Variants in WASHC2A observed in about 807,000 individuals in gnomAD.
The protein encoded by WASHC2A is WASH complex subunit FAM21A.
A neutral mutation model predicts 140.3 loss-of-function variants in WASHC2A; 82 were observed. The ratio of observed to expected loss-of-function variants is 0.58; its 90% CI spans 0.49 to 0.70. WASHC2A has a LOEUF of 0.70. WASHC2A is among the 30% of genes least tolerant of loss of function. The pLI is 0.00. For missense variants in WASHC2A, 985 were observed against 1,521.8 expected, an observed-to-expected ratio of 0.65 and a Z score of 5.87; for synonymous variants, 340 against 560.8, an observed-to-expected ratio of 0.61 and a Z score of 5.56.
chr10:50,106,281 C>G (rs1190667780), intron 18 of WASHC2A, 53 bp from the exon 19 acceptor site: 2 of 1,535,240 alleles, frequency 1.3e-6, no homozygotes, highest in Admixed American at 3.5e-5. Context: ...GGAGGACATC[C>G]TATGTTTTCT....
chr10:50,111,449 C>T (rs1554890420), intron 20 of WASHC2A, among the ~76,000 whole-genome samples: 2 of 151,956 alleles, frequency 1.3e-5, no homozygotes. Context: ...TCTGAATAAC[C>T]TTGGGCAAGT....
intron 11 of WASHC2A, among the ~76,000 whole-genome samples, chr10:50,092,485 A>AT (rs1554883158): frequency 6.6e-6 from 1 of 151,922 alleles, no homozygotes; most frequent in East Asian, 1.9e-4. Flanking sequence ...GTGAAACCCC[A>AT]TTTCTACTAA....
At chr10:50,089,971 G>T (rs1240834082) in intron 8 of WASHC2A, among the ~76,000 whole-genome samples, 1 of 151,308 alleles carries the variant, frequency 6.6e-6, no homozygotes, top group Non-Finnish European at 1.5e-5. Context: ...TTAGCCGGGC[G>T]TGGTGGCGGG....
At chr10:50,091,677 G>A (rs1839942364) in intron 10 of WASHC2A, among the ~76,000 whole-genome samples, 159 bp downstream of exon 10, 1 of 151,784 alleles carries the variant, frequency 6.6e-6, no homozygotes, top group East Asian at 1.9e-4. Flanking sequence ...TTCCTTTTTT[G>A]GTTAATGAGC....
Position 50,131,022 on chromosome 10 carries a change from C to T in WASHC2A, c.3830C>T (p.Pro1277Leu). The T allele has an allele frequency of 6.2e-7, 1 of 1,610,612 alleles. No homozygotes were observed. The highest frequency in any genetic ancestry group is 8.5e-7 in the Non-Finnish European group (1 of 1,179,174). Reference protein sequence around the residue: ...IDIFADLTVKPKEKSKKKVEA... With the variant: ...IDIFADLTVKLKEKSKKKVEA... ...ATCTTTGCTGACTTAACTGTAAAAC[C>T]AAAAGAAAAGTCCAAAAAGAAAGTG... Residue 1277 changes from proline to leucine, a missense_variant, in exon 30 of 31, where the codon CCA (proline) becomes CTA (leucine). Coordinates refer to ENST00000282633, the MANE Select transcript of WASHC2A (RefSeq NM_001005751.3).
intron 7 of WASHC2A, among the ~76,000 whole-genome samples, chr10:50,086,548 G>A (rs1207716798): frequency 1.3e-5 from 2 of 151,464 alleles, no homozygotes; most frequent in South Asian, 4.2e-4. Flanking sequence ...GCACCCATTA[G>A]CTCGTCATCT....
chr10:50,090,401 G>A (rs1212460089), intron 8 of WASHC2A, among the ~76,000 whole-genome samples: 6 of 149,982 alleles, frequency 4.0e-5, no homozygotes, highest in Non-Finnish European at 8.9e-5. Flanking sequence ...TACTCGGAAG[G>A]CCGAGGCAGG....
intron 8 of WASHC2A, among the ~76,000 whole-genome samples, chr10:50,088,300 C>T (rs1320345267): frequency 6.3e-4 from 92 of 145,234 alleles, no homozygotes; most frequent in Non-Finnish European, 2.9e-4. Flanking sequence ...GAGTCTCGCT[C>T]TGTTGCCTAG....
At chr10:50,091,364 A>C in intron 9 of WASHC2A, 67 bp from the exon 10 acceptor site, 3 of 1,514,706 alleles carry the variant, frequency 2.0e-6, no homozygotes. Flanking sequence ...TAATGTTGTT[A>C]GGTGTCCAAA....
intron 3 of WASHC2A, among the ~76,000 whole-genome samples, chr10:50,072,372 A>G (rs1282299300): frequency 3.3e-5 from 5 of 151,664 alleles, no homozygotes; most frequent in African/African-American, 7.3e-5. Flanking sequence ...GCCACATGCT[A>G]TAGGTTTTTT....
At chr10:50,090,429 G>C (rs1349239283) in intron 8 of WASHC2A, among the ~76,000 whole-genome samples, 1 of 148,438 alleles carries the variant, frequency 6.7e-6, no homozygotes, top group Non-Finnish European at 1.5e-5. Flanking sequence ...CATGAACTGG[G>C]CAGGCAGAGG....
chr10:50,090,050 C>T (rs1839737512), intron 8 of WASHC2A, among the ~76,000 whole-genome samples: 1 of 151,286 alleles, frequency 6.6e-6, no homozygotes, highest in African/African-American at 2.4e-5. Context: ...GCGGAGGTTG[C>T]AGTGAGCCGA....
rs782335864 is a variant in WASHC2A at position 50,095,584 on chromosome 10, T to C, written c.1241-15T>C. 5.0e-6 allele frequency: 8 copies of C among 1,611,916 alleles called. No individual in the cohort carries two copies. Among genetic ancestry groups the C allele is most frequent in the Non-Finnish European group, 6.8e-6 (8 of 1,179,846 alleles). On this transcript the variant is annotated splice_polypyrimidine_tract_variant and intron_variant, in intron 14 of 30. Coordinates refer to ENST00000282633, the MANE Select transcript of WASHC2A (RefSeq NM_001005751.3). ...CTGGCTCACAGCTGTGGCTGTCTTG[T>C]CTTTCCACCCACAGGAGACACGGAT...
intron 17 of WASHC2A, among the ~76,000 whole-genome samples, chr10:50,103,023 C>T (rs1841365718): frequency 6.6e-6 from 1 of 151,034 alleles, no homozygotes; most frequent in Non-Finnish European, 1.5e-5. Context: ...CCCACCACCA[C>T]ACCTGGCTAA....
Position 50,106,410 on chromosome 10 carries a change from C to G in WASHC2A, c.1814C>G (p.Ala605Gly). ...GCTCAGAGAGAAGAGAAAGCAAAAG[C>G]CTCCGAGCTCTCCAAAAAGAAAGCA... is the stretch of plus-strand genomic sequence containing the variant. The part of the protein sequence containing the change: ...LQAQREEKAK[A>G]SELSKKKASA... Residue 605 changes from alanine to glycine, a missense_variant, in exon 19 of 31, where the codon GCC becomes GGC. Coordinates refer to ENST00000282633, the MANE Select transcript of WASHC2A (RefSeq NM_001005751.3). 6.2e-7 allele frequency: 1 copy of G among 1,611,894 alleles called. No homozygotes were observed. Among genetic ancestry groups the G allele is most frequent in the East Asian group, 2.2e-5 (1 of 44,878 alleles).
rs797028547 is a variant in WASHC2A at position 50,116,312 on chromosome 10, A to T, written c.2143-1594A>T. 2.6e-3 allele frequency among the ~76,000 whole-genome samples: 145 copies of T among 56,758 alleles called. 2 individuals carry two copies. Among genetic ancestry groups the T allele is most frequent in the East Asian group, 5.9e-3 (9 of 1,526 alleles). The allele number at this position is 56,758 out of a possible 152,430, so 37.2% of individuals were successfully genotyped here. A position where few individuals can be genotyped will look rare whatever the true frequency, so the allele number is the denominator to read the frequency against. ...CCCTATCAACTATTTGCATTGAATT[A>T]TTATTATTTTTTTTTTTTTTTGAGA... On this transcript the variant is annotated intron_variant, in intron 21 of 30. Coordinates refer to ENST00000282633, the MANE Select transcript of WASHC2A (RefSeq NM_001005751.3).
chr10:50,101,715 T>C (rs1214903351), intron 17 of WASHC2A, among the ~76,000 whole-genome samples: 1 of 152,182 alleles, frequency 6.6e-6, no homozygotes, highest in Non-Finnish European at 1.5e-5. Flanking sequence ...TAGTGGTTCA[T>C]AACACCCATA....
At chr10:50,127,942 C>T (rs1468781682) in intron 28 of WASHC2A, 147 bp downstream of exon 28, 13 of 1,543,566 alleles carry the variant, frequency 8.4e-6, no homozygotes, top group Middle Eastern at 2.3e-4. Context: ...ACTCCCCACT[C>T]CATTCTCCCC....
At position 50,129,421 on chromosome 10, in the gene WASHC2A, C is replaced by T. The variant is rs1843736941; in HGVS notation, c.3090C>T (p.Ser1030=). ...TGTGTGTTTTTTTGCCATTGCAGAG[C>T]CGTGTCAAGATGAGAGGGAAGCGTA... ...QADTLHSANK[S]RVKMRGKRRP... The change falls in exon 29 of 31, where the codon AGC becomes AGT. Residue 1030 remains serine (S), a splice_region_variant and synonymous_variant. Transcript: ENST00000282633. 6.2e-6 allele frequency: 10 copies of T among 1,612,018 alleles called. No individual in the cohort carries two copies. The South Asian group carries it at 1.1e-4, about 18-fold the overall frequency.
Sources: gnomAD v4.1 joint callset for allele counts (sites outside exome capture counted in the v4.1 genomes callset) on GRCh38, gnomAD v4.1.1 for gene constraint, MANE v1.5 for transcripts, NCBI Gene and HGNC (gene_info 2026-07-23, HGNC 2026-07-21) for gene names.